Variants in KDR observed in about 807,000 individuals in gnomAD.
KDR encodes kinase insert domain receptor.
In KDR, 43 loss-of-function variants were observed where a neutral mutation model predicts 160.9. The observed-to-expected ratio is 0.27, with a 90% CI of 0.21 to 0.34. KDR has a LOEUF of 0.34. KDR is among the 10% of genes least tolerant of loss of function. The pLI, the probability that KDR is intolerant of heterozygous loss-of-function variation, is 1.00. For missense variants in KDR, 1,469 were observed against 1,666.4 expected, an observed-to-expected ratio of 0.88 and a Z score of 2.06; for synonymous variants, 617 against 600.1, an observed-to-expected ratio of 1.03 and a Z score of -0.41.
At chr4:55,107,621 C>T (rs1247362595) in intron 10 of KDR, 116 bp downstream of exon 10, 1 of 1,271,458 alleles carries the variant, frequency 7.9e-7, no homozygotes, top group Non-Finnish European at 1.1e-6. Flanking sequence ...CAGGCTACCT[C>T]TTGAGAGAAA....
intron 21 of KDR, among the ~76,000 whole-genome samples, 186 bp downstream of exon 21, chr4:55,094,616 T>A (rs537722422): frequency 1.3e-5 from 2 of 152,314 alleles, no homozygotes; most frequent in East Asian, 3.9e-4. Context: ...CACTTCCCAG[T>A]CTAGGGCTTC....
intron 11 of KDR, 68 bp from the exon 12 acceptor site, chr4:55,106,008 AGCAGTCTCCACAATCACTCCAACCT>A: frequency 1.0e-6 from 1 of 963,302 alleles, no homozygotes. Context: ...CACTCAGTCC[AGCAGTCTCCACAATCACTCCAACCT>A]GCCTATGCCA....
intron 4 of KDR, 42 bp from the exon 5 acceptor site, chr4:55,115,084 A>G: frequency 1.3e-6 from 2 of 1,519,216 alleles, no homozygotes; most frequent in Non-Finnish European, 1.8e-6. Flanking sequence ...ATCCAGTACC[A>G]AAAATGAGAG....
At position 55,118,694 on chromosome 4, in the gene KDR, T is replaced by C. The variant is rs142649575; in HGVS notation, c.268A>G (p.Ile90Val). 9 of 1,614,064 alleles carry C rather than the reference T, an allele frequency of 5.6e-6. No homozygotes were observed. The highest frequency in any genetic ancestry group is 7.6e-6 in the Non-Finnish European group (9 of 1,179,974). ...SDGLFCKTLT[I>V]PKVIGNDTGA... ...GTGTCATTTCCGATCACTTTTGGAA[T>C]TGTGAGTGTCTTACAGAAGAGGCCA... is the stretch of plus-strand genomic sequence containing the variant. Residue 90 changes from isoleucine (I) to valine (V), a missense_variant, in exon 3 of 30, where the codon ATT (isoleucine) becomes GTT (valine). Around this residue, in one of 7 missense-constraint regions of KDR, gnomAD observed 792 missense variants for 840.9 expected, o/e 0.94. Transcript: ENST00000263923.
rs140748903 is a variant in KDR at position 55,091,882 on chromosome 4, A to G, written c.3069+735T>C. ...CCCGCTTGGTGTTTACAACCTTTGG[A>G]ATAGTTGTAACTTGTCACGTCCCCA... On this transcript the variant is annotated intron_variant, in intron 22 of 29. Transcript: ENST00000263923. 6.5e-3 allele frequency among the ~76,000 whole-genome samples: 987 copies of G among 152,260 alleles called. 9 individuals carry two copies. The highest frequency in any genetic ancestry group is 0.023 in the African/African-American group (953 of 41,546).
chr4:55,092,778 T>G, intron 21 of KDR, 64 bp from the exon 22 acceptor site: 1 of 1,148,636 alleles, frequency 8.7e-7, no homozygotes, highest in South Asian at 1.2e-5. Context: ...GTTTCTAAGT[T>G]TGCTAGAGTA....
Position 55,079,320 on chromosome 4 carries a change from C to T in KDR, c.*621G>A. 1 of 235,854 alleles carries T rather than the reference C, an allele frequency of 4.2e-6. No individual in the cohort carries two copies. Among genetic ancestry groups the T allele is most frequent in the South Asian group, 1.8e-4 (1 of 5,676 alleles). 14.6% of individuals were successfully genotyped at this position (235,854 alleles called of 1,614,324 possible). A position where few individuals can be genotyped will look rare whatever the true frequency, so the allele number is the denominator to read the frequency against. On this transcript the variant is annotated 3_prime_UTR_variant, in exon 30 of 30. Transcript: ENST00000263923. ...TCGAAGAACACGCAACCTTCTAAAACCAGAAACCCCGTCTGAACCCTTTAC... is the reference window on the plus strand; with the variant it reads ...TCGAAGAACACGCAACCTTCTAAAATCAGAAACCCCGTCTGAACCCTTTAC...
At chr4:55,125,121 C>A in intron 1 of KDR, 106 bp downstream of exon 1, 3 of 1,044,088 alleles carry the variant, frequency 2.9e-6, no homozygotes, top group Non-Finnish European at 4.4e-6. Flanking sequence ...AATGTCAAGT[C>A]CTGTCCAACT....
chr4:55,102,070 T>C, intron 14 of KDR, 42 bp from the exon 15 acceptor site: 1 of 1,612,656 alleles, frequency 6.2e-7, no homozygotes, highest in African/African-American at 1.3e-5. Context: ...TATGATGATG[T>C]AGTCTGTGAA....
At chr4:55,094,173 C>T (rs1720090791) in intron 21 of KDR, among the ~76,000 whole-genome samples, 1 of 152,112 alleles carries the variant, frequency 6.6e-6, no homozygotes, top group Non-Finnish European at 1.5e-5. Context: ...CGCACCATTG[C>T]ACTCCAGCCT....
rs574410398 is a variant in KDR, at chr4:55,087,482, G to T, written c.3662+125C>A. On this transcript the variant is annotated intron_variant, in intron 27 of 29. Transcript: ENST00000263923. The stretch of plus-strand genomic sequence containing the variant: ...GCATTCCCCATTATGTTAACCTCAG[G>T]GCTAAGGTTATGTGGAAGTGGGATG... The T allele has an allele frequency of 1.8e-4, 151 of 835,830 alleles. 1 individual carries two copies. The African/African-American group carries it at 2.4e-3, about 13-fold the overall frequency. The allele number at this position is 835,830 out of a possible 1,614,324, so 51.8% of individuals were successfully genotyped here. A position where few individuals can be genotyped will look rare whatever the true frequency, so the allele number is the denominator to read the frequency against.
intron 14 of KDR, 140 bp downstream of exon 14, chr4:55,102,222 T>G: frequency 1.6e-6 from 2 of 1,278,836 alleles, no homozygotes; most frequent in South Asian, 1.2e-5. Context: ...CATACTCCAA[T>G]TCTAAGTCTG....
At chr4:55,116,680 C>T (rs1346155053) in intron 3 of KDR, among the ~76,000 whole-genome samples, 1 of 152,162 alleles carries the variant, frequency 6.6e-6, no homozygotes, top group Non-Finnish European at 1.5e-5. Flanking sequence ...TTCCCTGCAA[C>T]AGCAGAAGTT....
rs1719657016 is a variant in KDR, at chr4:55,079,115, G to C, written c.*826C>G. ...GCAGTCAGAACTCTTCAACACGGCA[G>C]GGAGCCTTGAGCTGAATGTCCTTTC... On this transcript the variant is annotated 3_prime_UTR_variant, in exon 30 of 30. Transcript: ENST00000263923. 4.3e-6 allele frequency: 1 copy of C among 233,260 alleles called. No homozygotes were observed. The highest frequency in any genetic ancestry group is 1.8e-4 in the South Asian group (1 of 5,526). The allele number at this position is 233,260 out of a possible 1,614,324, so 14.4% of individuals were successfully genotyped here.
chr4:55,102,147 G>A (rs1283661558), intron 14 of KDR, 119 bp from the exon 15 acceptor site: 3 of 1,442,730 alleles, frequency 2.1e-6, no homozygotes, highest in Non-Finnish European at 2.9e-6. Context: ...TAACTCTGTA[G>A]AGTCACATGG....
At chr4:55,118,852 C>T (rs1720797675) in intron 2 of KDR, 52 bp from the exon 3 acceptor site, 4 of 1,471,546 alleles carry the variant, frequency 2.7e-6, no homozygotes, top group Non-Finnish European at 3.8e-6. Flanking sequence ...GACTGTGAGG[C>T]TATTTCTAAG....
chr4:55,092,331 G>A, intron 22 of KDR: 1 of 435,352 alleles, frequency 2.3e-6, no homozygotes, highest in Non-Finnish European at 4.3e-6. Context: ...ACTCCATGAA[G>A]GTGAAGAGCT....
rs1720105095 is a variant in KDR at position 55,094,737 on chromosome 4, C to T, written c.2971+65G>A. On this transcript the variant is annotated intron_variant, in intron 21 of 29. Transcript: ENST00000263923. Reference sequence around the variant, plus strand: ...TTTCCCATGATCAAATTCCTTGTAACACCCTATCACCCTGTCTGCTCTGAC... The same window carrying T: ...TTTCCCATGATCAAATTCCTTGTAATACCCTATCACCCTGTCTGCTCTGAC... The T allele has an allele frequency of 5.5e-6, 8 of 1,453,738 alleles. No homozygotes were observed. The South Asian group carries it at 6.9e-5, about 12-fold the overall frequency. The allele number at this position is 1,453,738 out of a possible 1,614,324, so 90.1% of individuals were successfully genotyped here.
chr4:55,094,696 G>A, intron 21 of KDR, 106 bp downstream of exon 21: 1 of 1,018,736 alleles, frequency 9.8e-7, no homozygotes. Context: ...TTCAAATTAT[G>A]AGGTAGTATT....
Sources: gnomAD v4.1 joint callset for allele counts (sites outside exome capture counted in the v4.1 genomes callset) on GRCh38, gnomAD v4.1.1 for gene constraint, gnomAD v4.1.1 regional missense constraint, MANE v1.5 for transcripts, NCBI Gene and HGNC (gene_info 2026-07-23, HGNC 2026-07-21) for gene names.